DOCK10: variants seen among roughly 807,000 people sequenced by gnomAD.
DOCK10 encodes the protein dedicator of cytokinesis protein 10.
Under a neutral mutation model 280.1 loss-of-function variants are expected in DOCK10, and 145 were observed. The ratio of observed to expected loss-of-function variants is 0.52; its 90% CI spans 0.45 to 0.59. DOCK10 has a LOEUF of 0.59. Ranked by LOEUF, DOCK10 falls within the 20% of genes least tolerant of loss-of-function variation. DOCK10 has a pLI of 0.00. For missense variants in DOCK10, 2,368 were observed against 2,651.7 expected, an observed-to-expected ratio of 0.89 and a Z score of 2.35; for synonymous variants, 915 against 942.2, an observed-to-expected ratio of 0.97 and a Z score of 0.53.
chr2:224,834,743 G>T (rs1268702257), intron 25 of DOCK10, among the ~76,000 whole-genome samples: 1 of 152,062 alleles, frequency 6.6e-6, no homozygotes, highest in Non-Finnish European at 1.5e-5. Flanking sequence ...CACTATCAAG[G>T]CGTTCATGAA....
At chr2:225,036,290 A>G (rs1011408773) in intron 1 of DOCK10, among the ~76,000 whole-genome samples, 1 of 152,184 alleles carries the variant, frequency 6.6e-6, no homozygotes, top group African/African-American at 2.4e-5. Context: ...TAACACAAAT[A>G]AGTAAGAGAT....
chr2:224,998,829 T>C (rs1054133902), intron 1 of DOCK10, among the ~76,000 whole-genome samples: 10 of 152,184 alleles, frequency 6.6e-5, no homozygotes, highest in African/African-American at 2.4e-4. Context: ...ATGTGATTTT[T>C]ATATGGGAAA....
chr2:224,843,027 G>A (rs1050425605), intron 22 of DOCK10, among the ~76,000 whole-genome samples: 1 of 152,118 alleles, frequency 6.6e-6, no homozygotes, highest in African/African-American at 2.4e-5. Flanking sequence ...GGGAAGGGGG[G>A]TATCCACCCC....
rs142483112 is a variant in DOCK10, at chr2:224,913,497, T to C, written c.333+3198A>G. Among the ~76,000 whole-genome samples the C allele has an allele frequency of 5.0e-3, 760 of 152,258 alleles. 4 individuals are homozygous for C. The highest frequency in any genetic ancestry group is 0.017 in the African/African-American group (707 of 41,542). On this transcript the variant is annotated intron_variant, in intron 3 of 55. Transcript: ENST00000258390. ...TACTAGGAATGTATGTATTTATATG[T>C]GAGTGTGTGTGAGTGTGTGTGTTCA...
Position 224,805,046 on chromosome 2 carries a change from T to C in DOCK10, c.4118+12A>G, listed in dbSNP as rs1262766196. On this transcript the variant is annotated intron_variant, in intron 37 of 55. Coordinates refer to ENST00000258390, the MANE Select transcript of DOCK10 (RefSeq NM_014689.3). The surrounding 1 kb of genome is among the most constrained non-coding windows in gnomAD (Gnocchi z 4.3). Reference sequence around the variant, plus strand: ...CAGAAAAAAGTGTTAAGTCATCAACTCTAAAACTTACTCCAAGATGCTGAA... The same window carrying C: ...CAGAAAAAAGTGTTAAGTCATCAACCCTAAAACTTACTCCAAGATGCTGAA... 1 of 1,599,224 alleles carries C rather than the reference T, an allele frequency of 6.3e-7. No homozygotes were observed. Among genetic ancestry groups the C allele is most frequent in the Admixed American group, 1.7e-5 (1 of 57,350 alleles).
In DOCK10 at chr2:224,834,093, A is replaced by G. The variant is rs552547299; in HGVS notation, c.2964+57T>C. 14 of 987,180 alleles carry G rather than the reference A, an allele frequency of 1.4e-5. 1 individual carries two copies. The African/African-American group carries it at 1.8e-4, about 13-fold the overall frequency. The allele number at this position is 987,180 out of a possible 1,614,324, so 61.2% of individuals were successfully genotyped here. ...TCCATGACTCCTATCATTTTCCAGG[A>G]GTAAGCGTGACCCATGCCTAGTACT... On this transcript the variant is annotated intron_variant, in intron 26 of 55. Coordinates refer to ENST00000258390, the MANE Select transcript of DOCK10 (RefSeq NM_014689.3).
chr2:224,985,974 G>A (rs550796500), intron 1 of DOCK10, among the ~76,000 whole-genome samples: 1 of 152,302 alleles, frequency 6.6e-6, no homozygotes, highest in East Asian at 1.9e-4. Flanking sequence ...TGTAAGAGCC[G>A]TGTGTCTAAA....
chr2:224,876,327 T>G, intron 7 of DOCK10, 106 bp from the exon 8 acceptor site: 1 of 993,494 alleles, frequency 1.0e-6, no homozygotes, highest in Non-Finnish European at 1.4e-6. Flanking sequence ...TCCATACAGA[T>G]AGATAACATA....
At chr2:224,778,541 T>A in intron 50 of DOCK10, 1 of 477,142 alleles carries the variant, frequency 2.1e-6, no homozygotes. Flanking sequence ...AATATTATTT[T>A]CTCTATTTGT....
intron 15 of DOCK10, 130 bp downstream of exon 15, chr2:224,856,730 A>C (rs1359859274): frequency 3.8e-6 from 3 of 788,100 alleles, no homozygotes; most frequent in Non-Finnish European, 5.6e-6. Context: ...GGCATATGTG[A>C]AGTCACCTGA....
chr2:224,773,891 T>C (rs1356097734), intron 52 of DOCK10, among the ~76,000 whole-genome samples: 1 of 152,112 alleles, frequency 6.6e-6, no homozygotes, highest in Non-Finnish European at 1.5e-5. Context: ...CTGCCTCCCA[T>C]GTGCTGGGAT....
intron 2 of DOCK10, among the ~76,000 whole-genome samples, chr2:224,930,506 A>C (rs1426247257): frequency 1.3e-5 from 2 of 152,078 alleles, no homozygotes; most frequent in African/African-American, 4.8e-5. Flanking sequence ...ATGATTCTTC[A>C]CACTTGAAAC....
chr2:224,824,344 G>A (rs1446748551), intron 27 of DOCK10, among the ~76,000 whole-genome samples: 1 of 151,342 alleles, frequency 6.6e-6, no homozygotes, highest in Non-Finnish European at 1.5e-5. Context: ...GACCATTTCA[G>A]GTCCAGATAT....
At chr2:224,779,610 A>G (rs1268059421) in intron 50 of DOCK10, among the ~76,000 whole-genome samples, 1 of 152,164 alleles carries the variant, frequency 6.6e-6, no homozygotes, top group African/African-American at 2.4e-5. Context: ...ATCAGTTTTG[A>G]CTATTTAAAA....
At chr2:225,021,945 T>G (rs1404211470) in intron 1 of DOCK10, among the ~76,000 whole-genome samples, 1 of 152,218 alleles carries the variant, frequency 6.6e-6, no homozygotes, top group African/African-American at 2.4e-5. Context: ...TGTAAGGTGA[T>G]AAATATTTTC....
intron 11 of DOCK10, among the ~76,000 whole-genome samples, chr2:224,867,107 C>CAA (rs1491158914): frequency 6.6e-6 from 1 of 150,802 alleles, no homozygotes; most frequent in Non-Finnish European, 1.5e-5. Flanking sequence ...CACACACACA[C>CAA]AAAATTTATT....
intron 1 of DOCK10, among the ~76,000 whole-genome samples, chr2:224,982,709 C>G (rs1351635887): frequency 2.0e-5 from 3 of 152,140 alleles, no homozygotes; most frequent in African/African-American, 4.8e-5. Context: ...TTCAGACACA[C>G]AAATAAATTA....
intron 31 of DOCK10, among the ~76,000 whole-genome samples, chr2:224,808,684 C>G (rs1693565547): frequency 6.6e-6 from 1 of 152,138 alleles, no homozygotes; most frequent in Admixed American, 6.6e-5. Flanking sequence ...GAGAACAGTA[C>G]AATTTCCTTA....
At chr2:224,854,619 C>A (rs1480258359) in intron 16 of DOCK10, among the ~76,000 whole-genome samples, 1 of 152,132 alleles carries the variant, frequency 6.6e-6, no homozygotes, top group Non-Finnish European at 1.5e-5. Context: ...CTTTCCTCCT[C>A]TGAAACCCTC....
Sources: allele counts gnomAD v4.1 joint callset (sites outside exome capture counted in the v4.1 genomes callset), GRCh38; gene constraint gnomAD v4.1.1; non-coding constraint Gnocchi (gnomAD v3.1); transcripts MANE v1.5; gene names NCBI Gene and HGNC (gene_info 2026-07-23, HGNC 2026-07-21).